Variants in ABCC11 observed in about 807,000 individuals in gnomAD.
ABCC11 encodes ATP binding cassette subfamily C member 11, also known as ATP-binding cassette sub-family C member 11.
Under a neutral mutation model 149.3 loss-of-function variants are expected in ABCC11, and 135 were observed. That is an observed-to-expected ratio of 0.90 (90% CI 0.79 to 1.04). The LOEUF (loss-of-function observed/expected upper bound fraction) is 1.04, where lower values mean the gene tolerates loss of function less well. Among genes scored for constraint, ABCC11 ranks in the 50% least tolerant of loss-of-function variants. The pLI is 0.00. For missense variants in ABCC11, 1,680 were observed against 1,722.1 expected (o/e 0.98, Z 0.43); for synonymous variants, 665 against 671.4 (o/e 0.99, Z 0.15).
At chr16:48,165,719 G>T (rs1965310266), downstream of ABCC11, 3 of 152,166 alleles carry the variant, frequency 2.0e-5, no homozygotes, top group Admixed American at 2.0e-4. Flanking sequence ...ATTCCCTGAG[G>T]GCAGGGACAC....
chr16:48,214,878 T>C lies in ABCC11; in HGVS notation c.1248+3A>G, dbSNP rs1486923265. On this transcript the variant is annotated splice_donor_region_variant and intron_variant, in intron 9 of 29. Transcript: ENST00000356608. ...GAGAAAACAAAGCCCCCCAAACCCT[T>C]ACCATTGACGCTGTGAGTTTCAGCT... is the stretch of plus-strand genomic sequence containing the variant. 2 of 1,614,104 alleles carry C rather than the reference T, an allele frequency of 1.2e-6. No individual in the cohort carries two copies. Among genetic ancestry groups the C allele is most frequent in the African/African-American group, 1.3e-5 (1 of 75,048 alleles).
Position 48,198,285 on chromosome 16 carries a change from CA to C in ABCC11, c.2083-11del. On this transcript the variant is annotated splice_polypyrimidine_tract_variant and intron_variant, in intron 15 of 29. Transcript: ENST00000356608. The stretch of plus-strand genomic sequence containing the variant: ...CACAAAATTCTAAGTACTGGACAGT[CA>C]AAAGAAAGAAAGGCTTCAGTAAGCA... 1 of 1,613,578 alleles carries C rather than the reference CA, an allele frequency of 6.2e-7. No homozygotes were observed.
chr16:48,181,223 G>A (rs758599015), intron 23 of ABCC11, among the ~76,000 whole-genome samples: 6 of 152,162 alleles, frequency 3.9e-5, no homozygotes, highest in South Asian at 4.1e-4. Flanking sequence ...TGAGAGTGCC[G>A]GAGGTTTGGG....
chr16:48,240,321 A>G (rs931658456), intron 1 of ABCC11, among the ~76,000 whole-genome samples: 3 of 152,256 alleles, frequency 2.0e-5, no homozygotes, highest in Non-Finnish European at 2.9e-5. Flanking sequence ...TGGTACATGC[A>G]CACCATGGAA....
At chr16:48,165,391 G>C (rs1007035095), downstream of ABCC11, among the ~76,000 whole-genome samples, 1 of 152,216 alleles carries the variant, frequency 6.6e-6, no homozygotes, top group Non-Finnish European at 1.5e-5. Flanking sequence ...CAGAAGGTTC[G>C]CGCTCCAGGG....
intron 4 of ABCC11, among the ~76,000 whole-genome samples, chr16:48,224,854 T>C (rs1438300693): frequency 6.6e-6 from 1 of 152,010 alleles, no homozygotes; most frequent in Non-Finnish European, 1.5e-5. Context: ...GAAACCCCCA[T>C]CTCTGCTAAA....
intron 9 of ABCC11, among the ~76,000 whole-genome samples, chr16:48,214,104 TC>T (rs1969143485): frequency 6.6e-6 from 1 of 152,020 alleles, no homozygotes; most frequent in Non-Finnish European, 1.5e-5. Flanking sequence ...GAAAGAACCT[TC>T]CAATCCATAC....
chr16:48,177,606 C>G (rs1048638123), intron 24 of ABCC11, among the ~76,000 whole-genome samples: 3 of 152,340 alleles, frequency 2.0e-5, no homozygotes, highest in Admixed American at 6.5e-5. Flanking sequence ...TAAGATCACA[C>G]AGTTTCAGGT....
At chr16:48,214,227 T>C (rs1201048017) in intron 9 of ABCC11, among the ~76,000 whole-genome samples, 1 of 151,942 alleles carries the variant, frequency 6.6e-6, no homozygotes, top group Non-Finnish European at 1.5e-5. Context: ...CTCAAGTACC[T>C]CTGAAAGTAT....
chr16:48,221,389 G>A (rs1207416768), intron 6 of ABCC11, among the ~76,000 whole-genome samples: 1 of 151,920 alleles, frequency 6.6e-6, no homozygotes, highest in Non-Finnish European at 1.5e-5. Context: ...CACAACTATA[G>A]GTCATAAGTT....
rs2150768623 is a variant in ABCC11, at chr16:48,187,351, T to C, written c.2783A>G (p.Glu928Gly). The C allele has an allele frequency of 6.2e-7, 1 of 1,614,156 alleles. No homozygotes were observed. Among genetic ancestry groups the C allele is most frequent in the Non-Finnish European group, 8.5e-7 (1 of 1,180,032 alleles). The change falls in exon 21 of 30, where the codon GAA becomes GGA. Residue 928 changes from glutamate to glycine, a missense_variant. Glu to Gly is a moderately conservative substitution (Grantham distance 98). Coordinates refer to ENST00000356608, the MANE Select transcript of ABCC11 (RefSeq NM_001370497.1). ...RLLNCFAGDL[E>G]QLDQLLPIFS... ...GATGGGCAAGAGCTGGTCCAGCTGTTCCAAGTCCCCTGCGAAGCAGTTCAA... is the reference window on the plus strand; with the variant it reads ...GATGGGCAAGAGCTGGTCCAGCTGTCCCAAGTCCCCTGCGAAGCAGTTCAA...
intron 12 of ABCC11, among the ~76,000 whole-genome samples, chr16:48,206,219 G>A (rs957086619): frequency 5.3e-5 from 8 of 152,174 alleles, no homozygotes; most frequent in African/African-American, 1.9e-4. Context: ...AATTATTATT[G>A]TTAGGTAGGA....
intron 14 of ABCC11, among the ~76,000 whole-genome samples, chr16:48,201,474 CTTTTTTTT>C (rs560323114): frequency 8.1e-5 from 10 of 123,456 alleles, no homozygotes; most frequent in African/African-American, 2.8e-4. Flanking sequence ...TTTTCTTTTT[CTTTTTTTT>C]TTTTTTTTTT....
chr16:48,245,926 T>G (rs74016324), intron 1 of ABCC11, among the ~76,000 whole-genome samples: 1,879 of 152,210 alleles, frequency 0.012, 41 homozygotes, highest in African/African-American at 0.043. Context: ...GGTGTTGTGT[T>G]TTCAGTTTAG....
chr16:48,187,483 T>C (rs777311991), intron 20 of ABCC11, 56 bp from the exon 21 acceptor site: 321 of 1,458,812 alleles, frequency 2.2e-4, no homozygotes, highest in Non-Finnish European at 2.8e-4. Flanking sequence ...CTGCTCAAGA[T>C]TGGATGAAGA....
intron 1 of ABCC11, chr16:48,244,562 C>T (rs1309099254): frequency 1.8e-5 from 27 of 1,533,922 alleles, no homozygotes; most frequent in Non-Finnish European, 2.0e-5. Context: ...CCATCCTGGG[C>T]GTCATCCCCA....
chr16:48,167,635 G>C lies in ABCC11; in HGVS notation c.3917C>G (p.Ala1306Gly). The C allele has an allele frequency of 4.3e-6, 7 of 1,614,198 alleles. No individual in the cohort carries two copies. The highest frequency in any genetic ancestry group is 5.9e-6 in the Non-Finnish European group (7 of 1,180,034). The change falls in exon 29 of 30, where the codon GCC becomes GGC. Residue 1306 changes from alanine to glycine, a missense_variant. Coordinates refer to ENST00000356608, the MANE Select transcript of ABCC11 (RefSeq NM_001370497.1). Reference sequence around the variant, plus strand: ...GGTGTCTGTCTCCATGTCAATGGAGGCTGTGGCTTCATCGATAAGGATGAT... The same window carrying C: ...GGTGTCTGTCTCCATGTCAATGGAGCCTGTGGCTTCATCGATAAGGATGAT... ...SKIILIDEAT[A>G]SIDMETDTLI...
At chr16:48,242,568 A>C (rs1225384422) in intron 1 of ABCC11, among the ~76,000 whole-genome samples, 1 of 152,222 alleles carries the variant, frequency 6.6e-6, no homozygotes, top group Non-Finnish European at 1.5e-5. Flanking sequence ...AGGATTATAA[A>C]TCATGCTGCT....
intron 4 of ABCC11, among the ~76,000 whole-genome samples, chr16:48,227,496 G>T (rs1316869834): frequency 6.6e-6 from 1 of 150,592 alleles, no homozygotes; most frequent in Non-Finnish European, 1.5e-5. Context: ...AAAAAATAGT[G>T]ATAAAAATAA....
Sources: gnomAD v4.1 joint callset for allele counts (sites outside exome capture counted in the v4.1 genomes callset) on GRCh38, gnomAD v4.1.1 for gene constraint, MANE v1.5 for transcripts, NCBI Gene and HGNC (gene_info 2026-07-23, HGNC 2026-07-21) for gene names.